RBFOX3: variants seen among roughly 807,000 people sequenced by gnomAD.
RBFOX3 encodes the protein RNA binding protein fox-1 homolog 3.
RBFOX3 carries 17 observed loss-of-function variants against 48.7 expected under a neutral mutation model. That is an observed-to-expected ratio of 0.35 (90% CI 0.24 to 0.52). RBFOX3 has a LOEUF of 0.52. Ranked by LOEUF, RBFOX3 falls within the 20% of genes least tolerant of loss-of-function variation. The pLI is 0.94. For synonymous variants in RBFOX3, 212 were observed against 209.5 expected (o/e 1.01, Z -0.10); for missense variants, 382 against 497.5 (o/e 0.77, Z 2.21).
chr17:79,110,173 G>A (rs2030477748), intron 5 of RBFOX3, among the ~76,000 whole-genome samples: 1 of 150,156 alleles, frequency 6.7e-6, no homozygotes, highest in East Asian at 2.0e-4. Flanking sequence ...GTTCTCAAAT[G>A]CAGGGAAAGA....
At chr17:79,505,463 C>T (rs1034501480) in intron 1 of RBFOX3, among the ~76,000 whole-genome samples, 13 of 152,182 alleles carry the variant, frequency 8.5e-5, no homozygotes, top group East Asian at 5.8e-4. Flanking sequence ...TTCACTTGCC[C>T]GCAGCAGACC....
rs1322511232 is a variant in RBFOX3 at position 79,481,512 on chromosome 17, A to T, written c.-175+942T>A. ...CACCTGACCGTGTGCTGACCTGGCA[A>T]CTCACAGGGACCCGTAGGAAGCTTC... is the stretch of plus-strand genomic sequence containing the variant. On this transcript the variant is annotated intron_variant, in intron 2 of 14. Coordinates refer to ENST00000693108, the MANE Select transcript of RBFOX3 (RefSeq NM_001350451.2). The surrounding 1 kb of genome is among the most constrained non-coding windows in gnomAD (Gnocchi z 5.4). Among the ~76,000 whole-genome samples, 1 of 152,010 alleles carries T rather than the reference A, an allele frequency of 6.6e-6. No homozygotes were observed. Among genetic ancestry groups the T allele is most frequent in the Non-Finnish European group, 1.5e-5 (1 of 67,992 alleles).
chr17:79,095,673 C>T, intron 12 of RBFOX3, 99 bp from the exon 13 acceptor site: 1 of 1,103,094 alleles, frequency 9.1e-7, no homozygotes, highest in African/African-American at 1.6e-5. Flanking sequence ...GCGGGTGGGG[C>T]CCTGGGAGGG....
Position 79,094,545 on chromosome 17 carries a change from G to A in RBFOX3, c.999-16C>T. On this transcript the variant is annotated splice_polypyrimidine_tract_variant and intron_variant, in intron 13 of 14. Transcript: ENST00000693108. ...TCTGCCGTAACTAGGGAAGAGCGTG[G>A]GAGGGGGAGTGGGAGGAGGGTGGGG... 1 of 1,297,938 alleles carries A rather than the reference G, an allele frequency of 7.7e-7. No homozygotes were observed. The highest frequency in any genetic ancestry group is 1.0e-6 in the Non-Finnish European group (1 of 986,544). 80.4% of individuals were successfully genotyped at this position (1,297,938 alleles called of 1,614,324 possible).
chr17:79,368,445 C>G (rs1045696592), intron 2 of RBFOX3, among the ~76,000 whole-genome samples: 2 of 152,226 alleles, frequency 1.3e-5, no homozygotes, highest in Non-Finnish European at 2.9e-5. Context: ...CATTTCCAAA[C>G]CTAGGACGCC....
At chr17:79,389,973 T>A (rs1647683831) in intron 2 of RBFOX3, among the ~76,000 whole-genome samples, 1 of 136,652 alleles carries the variant, frequency 7.3e-6, no homozygotes, top group East Asian at 2.2e-4. Flanking sequence ...CTCTGTAGCC[T>A]CCGGGTCTCC....
chr17:79,185,164 G>T (rs983122512), intron 4 of RBFOX3, among the ~76,000 whole-genome samples: 1 of 152,232 alleles, frequency 6.6e-6, no homozygotes, highest in Non-Finnish European at 1.5e-5. Flanking sequence ...GAAGAGAGAA[G>T]GCTCAGGGGA....
rs1350679420 is a variant in RBFOX3 at position 79,491,191 on chromosome 17, G to A, written c.-319-8593C>T. Among the ~76,000 whole-genome samples, 4 of 103,962 alleles carry A rather than the reference G, an allele frequency of 3.8e-5. No homozygotes were observed. The South Asian group carries it at 1.2e-3, about 32-fold the overall frequency. 68.2% of individuals were successfully genotyped at this position (103,962 alleles called of 152,430 possible). ...GGGGAGGAGAGGGGAGGGGAGGAGA[G>A]AGGAGGGCAGGTGCAGAGCCTTGGA... On this transcript the variant is annotated intron_variant, in intron 1 of 14. Coordinates refer to ENST00000693108, the MANE Select transcript of RBFOX3 (RefSeq NM_001350451.2).
At chr17:79,227,267 C>T (rs182070873) in intron 4 of RBFOX3, among the ~76,000 whole-genome samples, 130 of 152,314 alleles carry the variant, frequency 8.5e-4, no homozygotes, top group Middle Eastern at 3.4e-3. Context: ...AGCGAAGCAG[C>T]GAGCCAGAGA....
chr17:79,537,345 C>T (rs949298570), intron 1 of RBFOX3, among the ~76,000 whole-genome samples: 11 of 152,180 alleles, frequency 7.2e-5, no homozygotes, highest in African/African-American at 2.7e-4. Flanking sequence ...ATCCGTTCTC[C>T]TCTTTTCTTA....
At chr17:79,430,486 T>G (rs1555727893) in intron 2 of RBFOX3, among the ~76,000 whole-genome samples, 1 of 152,166 alleles carries the variant, frequency 6.6e-6, no homozygotes, top group African/African-American at 2.4e-5. Flanking sequence ...TCAAATACGC[T>G]TTTGCAAGTA....
chr17:79,329,506 G>A (rs1399098885), intron 2 of RBFOX3, among the ~76,000 whole-genome samples: 3 of 152,128 alleles, frequency 2.0e-5, no homozygotes, highest in African/African-American at 7.2e-5. Flanking sequence ...CAGATCACCC[G>A]TGAGAACTTC....
the RBFOX3 span, among the ~76,000 whole-genome samples, chr17:79,619,218 G>T: frequency 6.6e-5 from 10 of 152,170 alleles, no homozygotes; most frequent in Admixed American, 6.5e-4. Flanking sequence ...TGCAGAGACT[G>T]CCCAGGGCCA....
At chr17:79,440,016 A>T (rs1212693237) in intron 2 of RBFOX3, among the ~76,000 whole-genome samples, 1 of 152,140 alleles carries the variant, frequency 6.6e-6, no homozygotes, top group Non-Finnish European at 1.5e-5. Flanking sequence ...CGTCCCTGTC[A>T]GACTCATGAG....
chr17:79,134,202 A>G (rs937386460), intron 4 of RBFOX3, among the ~76,000 whole-genome samples: 4 of 152,222 alleles, frequency 2.6e-5, no homozygotes, highest in African/African-American at 7.2e-5. Flanking sequence ...GAGCTCCAAG[A>G]AGGCGGCTTC....
intron 1 of RBFOX3, among the ~76,000 whole-genome samples, chr17:79,518,409 G>A (rs1234843153): frequency 1.3e-5 from 2 of 152,266 alleles, no homozygotes; most frequent in South Asian, 2.1e-4. Flanking sequence ...CCTCACGGAA[G>A]CCCCTGTGAT....
intron 4 of RBFOX3, among the ~76,000 whole-genome samples, chr17:79,202,340 C>T (rs1029627134): frequency 9.2e-5 from 14 of 152,242 alleles, no homozygotes; most frequent in African/African-American, 2.9e-4. Context: ...GTACCACGCT[C>T]ACGTATAATA....
chr17:79,400,707 C>T (rs1421431247), intron 2 of RBFOX3, among the ~76,000 whole-genome samples: 2 of 152,212 alleles, frequency 1.3e-5, no homozygotes, highest in Non-Finnish European at 2.9e-5. Context: ...GTCCCAAATG[C>T]AGCAGCTCCT....
At chr17:79,447,492 T>G (rs1568267724) in intron 2 of RBFOX3, among the ~76,000 whole-genome samples, 1 of 152,192 alleles carries the variant, frequency 6.6e-6, no homozygotes. Flanking sequence ...GTCTGTCTAT[T>G]GTGTACGGTG....
Sources: allele counts gnomAD v4.1 joint callset (sites outside exome capture counted in the v4.1 genomes callset), GRCh38; gene constraint gnomAD v4.1.1; non-coding constraint Gnocchi (gnomAD v3.1); transcripts MANE v1.5; gene names NCBI Gene and HGNC (gene_info 2026-07-23, HGNC 2026-07-21).